FANCI: variants seen among roughly 807,000 people sequenced by gnomAD.
FANCI encodes Fanconi anemia group I protein.
A neutral mutation model predicts 176.1 loss-of-function variants in FANCI; 156 were observed. The ratio of observed to expected loss-of-function variants is 0.89; its 90% CI spans 0.78 to 1.01. The LOEUF is 1.01. Ranked by LOEUF, FANCI falls within the 50% of genes least tolerant of loss-of-function variation. The pLI, the probability that FANCI is intolerant of heterozygous loss-of-function variation, is 0.00. For synonymous variants in FANCI, 613 were observed against 541.7 expected (o/e 1.13, Z -1.83); for missense variants, 1,678 against 1,534.1 (o/e 1.09, Z -1.57).
chr15:89,281,084 A>T, intron 14 of FANCI, 86 bp from the exon 15 acceptor site: 14 of 1,363,852 alleles, frequency 1.0e-5, no homozygotes, highest in Admixed American at 1.7e-5. Flanking sequence ...GAAACAAAAG[A>T]CTTCACATTT....
intron 9 of FANCI, among the ~76,000 whole-genome samples, chr15:89,266,190 G>T (rs1458515909): frequency 2.9e-5 from 4 of 138,650 alleles, no homozygotes; most frequent in Non-Finnish European, 6.2e-5. Flanking sequence ...TTTTGAGATG[G>T]AGTCTCTGTC....
In FANCI at chr15:89,306,030, C is replaced by T. The variant is rs765716581; in HGVS notation, c.3373C>T (p.Leu1125=). ...LSEEASSQAT[L]PNQPVEKAII... is the part of the protein sequence containing the mutation. Reference sequence around the variant, plus strand: ...AGAAGAGGCCTCTTCTCAGGCAACCCTACCAAATCAGCCTGTTGAGAAAGC... The same window carrying T: ...AGAAGAGGCCTCTTCTCAGGCAACCTTACCAAATCAGCCTGTTGAGAAAGC... The change falls in exon 32 of 38, where the codon CTA becomes TTA. Residue 1125 remains leucine, a synonymous_variant. Coordinates refer to ENST00000310775, the MANE Select transcript of FANCI (RefSeq NM_001113378.2). The T allele has an allele frequency of 6.2e-7, 1 of 1,614,160 alleles. No homozygotes were observed. The highest frequency in any genetic ancestry group is 1.1e-5 in the South Asian group (1 of 91,084).
intron 24 of FANCI, among the ~76,000 whole-genome samples, chr15:89,297,284 C>T (rs2054332441): frequency 6.6e-6 from 1 of 151,694 alleles, no homozygotes; most frequent in Non-Finnish European, 1.5e-5. Flanking sequence ...GGGATGGCGG[C>T]CGGGAAGAGG....
intron 24 of FANCI, among the ~76,000 whole-genome samples, chr15:89,298,960 C>T (rs1401118897): frequency 6.6e-6 from 1 of 152,078 alleles, no homozygotes. Context: ...CACCTGAGGT[C>T]AGCAGTTCAA....
chr15:89,301,201 CTT>C (rs2054513646), intron 26 of FANCI, 123 bp from the exon 27 acceptor site: 1 of 776,132 alleles, frequency 1.3e-6, no homozygotes, highest in Admixed American at 1.8e-5. Context: ...ATTTTATCCT[CTT>C]AGAATTTTGG....
chr15:89,293,131 T>C (rs1665723694), intron 22 of FANCI, 68 bp downstream of exon 22: 1 of 1,548,554 alleles, frequency 6.5e-7, no homozygotes, highest in Admixed American at 1.7e-5. Context: ...ATTTTTACTG[T>C]AGCAGTATTC....
At chr15:89,274,755 C>G (rs982502149) in intron 12 of FANCI, among the ~76,000 whole-genome samples, 1 of 151,822 alleles carries the variant, frequency 6.6e-6, no homozygotes, top group African/African-American at 2.4e-5. Flanking sequence ...CAGGCATGCT[C>G]CACCATGCCC....
At chr15:89,270,013 A>T (rs1259274071) in intron 10 of FANCI, among the ~76,000 whole-genome samples, 4 of 152,074 alleles carry the variant, frequency 2.6e-5, no homozygotes, top group Admixed American at 2.6e-4. Context: ...GTTTCGCCAT[A>T]TTGGCCAGGC....
chr15:89,277,611 C>CAAAAAA (rs554395033), intron 13 of FANCI, among the ~76,000 whole-genome samples: 6 of 48,968 alleles, frequency 1.2e-4, no homozygotes, highest in Non-Finnish European at 1.6e-4. Context: ...GATCCTATCT[C>CAAAAAA]AAAAAAAAAA....
intron 7 of FANCI, 107 bp from the exon 8 acceptor site, chr15:89,263,796 T>C (rs2052821353): frequency 7.5e-7 from 1 of 1,342,174 alleles, no homozygotes. Flanking sequence ...GTTTCATTTC[T>C]TAAAATATGT....
At chr15:89,308,955 A>AT (rs2054841583) in intron 34 of FANCI, among the ~76,000 whole-genome samples, 1 of 151,876 alleles carries the variant, frequency 6.6e-6, no homozygotes, top group African/African-American at 2.4e-5. Context: ...CAAAAAAAAA[A>AT]AAAATAAAGA....
chr15:89,290,169 T>G (rs760134155), intron 18 of FANCI, 44 bp from the exon 19 acceptor site: 1 of 1,399,636 alleles, frequency 7.1e-7, no homozygotes, highest in Non-Finnish European at 1.0e-6. Context: ...AGATCACTAG[T>G]ATCTCTGTTA....
chr15:89,268,767 TA>T, intron 10 of FANCI: 2 of 470,660 alleles, frequency 4.2e-6, no homozygotes, highest in South Asian at 2.2e-5. Context: ...AAGTTCTATT[TA>T]AAAAAACCCT....
intron 34 of FANCI, among the ~76,000 whole-genome samples, chr15:89,311,118 G>GATTTTTGTATTA (rs2054938200): frequency 6.6e-6 from 1 of 152,100 alleles, no homozygotes; most frequent in Non-Finnish European, 1.5e-5. Flanking sequence ...AATTAGCTGG[G>GATTTTTGTATTA]CATGGTGGCA....
At chr15:89,281,471 G>A (rs2053611936) in intron 15 of FANCI, among the ~76,000 whole-genome samples, 171 bp downstream of exon 15, 1 of 152,074 alleles carries the variant, frequency 6.6e-6, no homozygotes, top group South Asian at 2.1e-4. Flanking sequence ...CTGTTTTCCA[G>A]GTTTATTTCC....
chr15:89,281,883 T>C (rs1359846837), intron 16 of FANCI, 48 bp downstream of exon 16: 1 of 1,558,582 alleles, frequency 6.4e-7, no homozygotes, highest in African/African-American at 1.4e-5. Context: ...CTTCTAATGT[T>C]GGAGCTAAAG....
At chr15:89,307,794 G>A (rs1169171559) in intron 34 of FANCI, 122 bp downstream of exon 34, 1 of 1,567,364 alleles carries the variant, frequency 6.4e-7, no homozygotes, top group East Asian at 2.3e-5. Context: ...CCACAAGCTG[G>A]AGGCACCCAT....
At chr15:89,287,681 C>T (rs978089965) in intron 18 of FANCI, among the ~76,000 whole-genome samples, 3 of 152,110 alleles carry the variant, frequency 2.0e-5, no homozygotes, top group South Asian at 2.1e-4. Flanking sequence ...GAGAGACGTG[C>T]GACTCTTCCT....
At chr15:89,296,656 C>A (rs933001237) in intron 24 of FANCI, among the ~76,000 whole-genome samples, 1 of 152,186 alleles carries the variant, frequency 6.6e-6, no homozygotes, top group African/African-American at 2.4e-5. Flanking sequence ...TCCCCCCTTT[C>A]TATTCCACAA....
Sources: allele counts gnomAD v4.1 joint callset (sites outside exome capture counted in the v4.1 genomes callset), GRCh38; gene constraint gnomAD v4.1.1; transcripts MANE v1.5; gene names NCBI Gene and HGNC (gene_info 2026-07-23, HGNC 2026-07-21).